The following TTN variants were observed in gnomAD, a reference collection of about 807,000 sequenced individuals.
TTN encodes connectin.
TTN carries 1,525 observed loss-of-function variants against 3,223.0 expected under a neutral mutation model. The ratio of observed to expected loss-of-function variants is 0.47; its 90% CI spans 0.45 to 0.49. TTN has a LOEUF of 0.49. Among genes scored for constraint, TTN ranks in the 20% least tolerant of loss-of-function variants. TTN has a pLI of 0.00. For missense variants in TTN, 40,786 were observed against 43,424.0 expected (o/e 0.94, Z 5.40); for synonymous variants, 14,094 against 15,161.0 (o/e 0.93, Z 5.17).
At chr2:178,779,812 T>C in intron 22 of TTN, 188 bp downstream of exon 22, 1 of 615,354 alleles carries the variant, frequency 1.6e-6, no homozygotes, top group Admixed American at 3.0e-5. Context: ...ATGGCCTATA[T>C]GTAATCTCTA....
At position 178,727,686 on chromosome 2, in the gene TTN, A is replaced by G; in HGVS notation, c.19892T>C (p.Leu6631Ser). The change falls in exon 68 of 363, where the codon TTA becomes TCA. Residue 6631 changes from leucine (L) to serine (S), a missense_variant. By Grantham distance (145) the Leu-to-Ser change is moderately radical. Coordinates refer to ENST00000589042, the MANE Select transcript of TTN (RefSeq NM_001267550.2). Reference protein sequence around the residue: ...FIGLEGSTSFLNLYSVDASKT... With the variant: ...FIGLEGSTSFSNLYSVDASKT... The stretch of plus-strand genomic sequence containing the variant: ...AGAAGCATCCACTGAGTAGAGATTT[A>G]AGAAGCTAGTCGACCCTTCCAAGCC... The G allele has an allele frequency of 1.2e-6, 2 of 1,613,264 alleles. No homozygotes were observed. The highest frequency in any genetic ancestry group is 1.7e-6 in the Non-Finnish European group (2 of 1,179,416).
intron 127 of TTN, among the ~76,000 whole-genome samples, chr2:178,686,766 C>T (rs192787728): frequency 5.3e-4 from 81 of 152,280 alleles, no homozygotes; most frequent in African/African-American, 1.8e-3. Flanking sequence ...CTGCTCCTTA[C>T]GCTGAAAGTA....
At chr2:178,736,296 A>C (rs2081426659) in intron 49 of TTN, among the ~76,000 whole-genome samples, 1 of 152,226 alleles carries the variant, frequency 6.6e-6, no homozygotes, top group Non-Finnish European at 1.5e-5. Flanking sequence ...TCTCTATCAA[A>C]GAAAAGACAA....
chr2:178,694,394 T>A (rs1405635714), intron 117 of TTN: 12 of 476,106 alleles, frequency 2.5e-5, no homozygotes, highest in Non-Finnish European at 3.7e-5. Context: ...AAAAATGTAA[T>A]TTTTAAGCAG....
intron 359 of TTN, 132 bp downstream of exon 359, chr2:178,529,828 T>G (rs189217082): frequency 2.0e-6 from 2 of 1,014,570 alleles, no homozygotes; most frequent in Admixed American, 3.2e-5. Flanking sequence ...GGTGTACAAA[T>G]TGTATTCTGG....
chr2:178,771,092 G>C, intron 34 of TTN, 119 bp downstream of exon 34: 2 of 1,491,680 alleles, frequency 1.3e-6, no homozygotes, highest in Non-Finnish European at 1.8e-6. Context: ...AGAGGATCTA[G>C]AATGACTTTA....
Position 178,718,325 on chromosome 2 carries a change from A to G in TTN, c.24781T>C (p.Leu8261=), listed in dbSNP as rs1205092820. The part of the protein sequence containing the change: ...QDICEALVSV[L]EPPYFIEPLE... ...AAAGAGGTAGCTGTCAACACACCTA[A>G]GACAGACACCAGAGCTTCACAGATA... Residue 8261 remains leucine (L), a synonymous_variant, in exon 85 of 363, where the codon TTA becomes CTA. Transcript: ENST00000589042. The G allele has an allele frequency of 6.2e-7, 1 of 1,612,978 alleles. No individual in the cohort carries two copies. Among genetic ancestry groups the G allele is most frequent in the South Asian group, 1.1e-5 (1 of 90,998 alleles).
intron 69 of TTN, chr2:178,726,885 A>G: frequency 2.3e-6 from 1 of 428,238 alleles, no homozygotes; most frequent in Non-Finnish European, 3.9e-6. Flanking sequence ...TGACACTGGA[A>G]TAACAAAAAT....
Position 178,732,532 on chromosome 2 carries a change from T to A in TTN, c.16529A>T (p.Tyr5510Phe). 2 of 1,613,728 alleles carry A rather than the reference T, an allele frequency of 1.2e-6. No individual in the cohort carries two copies. The highest frequency in any genetic ancestry group is 1.7e-6 in the Non-Finnish European group (2 of 1,179,760). Residue 5510 changes from tyrosine to phenylalanine, a missense_variant, in exon 56 of 363, where the codon TAT becomes TTT. Physicochemically the swap from Tyr to Phe is conservative, Grantham distance 22 (BLOSUM62 3). Transcript: ENST00000589042. ...GCCCGAATCAGAGGTTTTTACTAAATAGAGTTCCAGGGAACTCTCTAAAGC... is the reference window on the plus strand; with the variant it reads ...GCCCGAATCAGAGGTTTTTACTAAAAAGAGTTCCAGGGAACTCTCTAAAGC... ...KEALESSLELYLVKTSDSGTY... is the reference protein window; with the variant it reads ...KEALESSLELFLVKTSDSGTY...
At chr2:178,692,293 C>G (rs1011238956) in intron 120 of TTN, among the ~76,000 whole-genome samples, 194 bp from the exon 121 acceptor site, 1 of 151,956 alleles carries the variant, frequency 6.6e-6, no homozygotes, top group Admixed American at 6.6e-5. Flanking sequence ...CACAAGCAGA[C>G]AAAGACCCAG....
rs2093613416 is a variant in TTN at position 178,793,387 on chromosome 2, T to C, written c.1536+17A>G. On this transcript the variant is annotated intron_variant, in intron 9 of 362. Coordinates refer to ENST00000589042, the MANE Select transcript of TTN (RefSeq NM_001267550.2). The stretch of plus-strand genomic sequence containing the variant: ...TGTAAGAACCTCAGTGAATTTAAAA[T>C]ACAAACCCATTTTCACCTGCTCATG... The C allele has an allele frequency of 4.3e-6, 7 of 1,613,812 alleles. No homozygotes were observed. Among genetic ancestry groups the C allele is most frequent in the Non-Finnish European group, 5.9e-6 (7 of 1,179,820 alleles).
chr2:178,764,196 T>C lies in TTN; in HGVS notation c.10095A>G (p.Gln3365=), dbSNP rs968613834. The change falls in exon 43 of 363, where the codon CAA becomes CAG. Residue 3365 remains glutamine (Q), a synonymous_variant. Coordinates refer to ENST00000589042, the MANE Select transcript of TTN (RefSeq NM_001267550.2). ...VTSEGQPARF[Q]CRVSGTDLKV... is the part of the protein sequence containing the mutation. ...ACCTACCTGTTCCAGAAACCCGGCATTGAAAACGGGCTGGCTGCCCTTCAG... is the reference window on the plus strand; with the variant it reads ...ACCTACCTGTTCCAGAAACCCGGCACTGAAAACGGGCTGGCTGCCCTTCAG... 2 of 1,614,118 alleles carry C rather than the reference T, an allele frequency of 1.2e-6. No homozygotes were observed. Among genetic ancestry groups the C allele is most frequent in the Non-Finnish European group, 8.5e-7 (1 of 1,179,974 alleles).
intron 308 of TTN, among the ~76,000 whole-genome samples, chr2:178,585,982 G>A (rs1156833706): frequency 6.6e-6 from 1 of 152,006 alleles, no homozygotes; most frequent in Non-Finnish European, 1.5e-5. Flanking sequence ...GGGTCAAATG[G>A]TATTTCTGGT....
At position 178,549,886 on chromosome 2, in the gene TTN, C is replaced by G; in HGVS notation, c.91853-17G>C. The G allele has an allele frequency of 6.5e-7, 1 of 1,539,506 alleles. No homozygotes were observed. The highest frequency in any genetic ancestry group is 2.3e-5 in the East Asian group (1 of 44,256). ...CTGGTGTATCTATAAGAAAAAGTTT[C>G]TAGAGTTAGTTTCTTTTTCCTTGTC... On this transcript the variant is annotated splice_polypyrimidine_tract_variant and intron_variant, in intron 337 of 362. Transcript: ENST00000589042.
chr2:178,538,226 T>C (rs1559074652), intron 354 of TTN: 1 of 462,902 alleles, frequency 2.2e-6, no homozygotes, highest in South Asian at 4.3e-5. Context: ...TTGCCCTTAC[T>C]TAGGTTCATT....
rs1707518545 is a variant in TTN at position 178,569,906 on chromosome 2, G to A, written c.76226C>T (p.Pro25409Leu). 5.0e-6 allele frequency: 8 copies of A among 1,613,356 alleles called. No individual in the cohort carries two copies. Among genetic ancestry groups the A allele is most frequent in the Non-Finnish European group, 5.9e-6 (7 of 1,179,582 alleles). ...ACDPIYKPGPPNNPKVIDITR... is the reference protein window; with the variant it reads ...ACDPIYKPGPLNNPKVIDITR... ...TATGTCTATGACTTTGGGGTTGTTT[G>A]GGGGTCCTGGTTTATAAATAGGATC... The change falls in exon 326 of 363, where the codon CCA (proline) becomes CTA (leucine). Residue 25409 changes from proline to leucine, a missense_variant. Transcript: ENST00000589042.
intron 250 of TTN, 106 bp from the exon 251 acceptor site, chr2:178,618,959 G>T: frequency 7.1e-7 from 1 of 1,414,854 alleles, no homozygotes; most frequent in Non-Finnish European, 9.4e-7. Context: ...AACCTTGGAA[G>T]TAAGCTACAG....
intron 125 of TTN, 92 bp from the exon 126 acceptor site, chr2:178,688,870 C>CT: frequency 1.7e-6 from 2 of 1,146,496 alleles, no homozygotes; most frequent in Non-Finnish European, 2.5e-6. Flanking sequence ...CAGTACACCA[C>CT]TTTGACTAGC....
chr2:178,562,364 A>G lies in TTN; in HGVS notation c.83768T>C (p.Ile27923Thr), dbSNP rs757118021. 10 of 1,610,740 alleles carry G rather than the reference A, an allele frequency of 6.2e-6. No homozygotes were observed. Among genetic ancestry groups the G allele is most frequent in the African/African-American group, 1.3e-5 (1 of 74,782 alleles). ...CTQVKTLEATISGLTAGEEYV... is the reference protein window; with the variant it reads ...CTQVKTLEATTSGLTAGEEYV... ...CTCTTCTCCTGCAGTTAAGCCAGAT[A>G]TAGTTGCTTCTAGAGTCTTAACTTG... Residue 27923 changes from isoleucine (I) to threonine (T), a missense_variant, in exon 326 of 363, where the codon ATA becomes ACA. Ile to Thr is a moderately conservative substitution (Grantham distance 89, BLOSUM62 -1). Coordinates refer to ENST00000589042, the MANE Select transcript of TTN (RefSeq NM_001267550.2).
Sources: gnomAD v4.1 joint callset for allele counts (sites outside exome capture counted in the v4.1 genomes callset) on GRCh38, gnomAD v4.1.1 for gene constraint, MANE v1.5 for transcripts, NCBI Gene and HGNC (gene_info 2026-07-23, HGNC 2026-07-21) for gene names.